ELK3: variants seen among roughly 807,000 people sequenced by gnomAD.
ELK3 encodes the protein ETS transcription factor ELK3.
In ELK3, 10 loss-of-function variants were observed where a neutral mutation model predicts 28.9. The observed-to-expected ratio is 0.35, with a 90% CI of 0.21 to 0.59. The LOEUF (loss-of-function observed/expected upper bound fraction) is 0.59, where lower values mean the gene tolerates loss of function less well. ELK3 is among the 20% of genes least tolerant of loss of function. The probability of loss-of-function intolerance (pLI) is 0.82; values close to 1 mark genes in which losing one functional copy is unlikely to be tolerated. For synonymous variants in ELK3, 272 were observed against 243.5 expected (o/e 1.12, Z -1.09); for missense variants, 463 against 517.3 (o/e 0.90, Z 1.02).
At chr12:96,196,868 T>G (rs889233769) in intron 1 of ELK3, among the ~76,000 whole-genome samples, 5 of 151,896 alleles carry the variant, frequency 3.3e-5, no homozygotes, top group Admixed American at 1.3e-4. Flanking sequence ...ACATGTTGCT[T>G]TTAAGGTGTT....
intron 2 of ELK3, among the ~76,000 whole-genome samples, chr12:96,244,994 G>C (rs1255638495): frequency 6.6e-6 from 1 of 152,182 alleles, no homozygotes; most frequent in Non-Finnish European, 1.5e-5. Flanking sequence ...CGCGGGTTAA[G>C]TTGCAGGTGG....
At chr12:96,231,725 C>T (rs1951743263) in intron 2 of ELK3, among the ~76,000 whole-genome samples, 1 of 152,318 alleles carries the variant, frequency 6.6e-6, no homozygotes, top group South Asian at 2.1e-4. Flanking sequence ...CTCAGGTGAT[C>T]TGCTCGCCTC....
At chr12:96,231,367 TAGAGA>T (rs1951740610) in intron 2 of ELK3, among the ~76,000 whole-genome samples, 1 of 152,170 alleles carries the variant, frequency 6.6e-6, no homozygotes, top group African/African-American at 2.4e-5. Context: ...CATCTTAGAG[TAGAGA>T]AGAGCGGGGC....
At chr12:96,232,430 C>T (rs1951748522) in intron 2 of ELK3, among the ~76,000 whole-genome samples, 1 of 151,762 alleles carries the variant, frequency 6.6e-6, no homozygotes, top group Non-Finnish European at 1.5e-5. Context: ...ATTAGCTGGG[C>T]ATGGTGGTGT....
At chr12:96,226,400 T>G (rs1379042079) in intron 2 of ELK3, among the ~76,000 whole-genome samples, 2 of 152,210 alleles carry the variant, frequency 1.3e-5, no homozygotes, top group Non-Finnish European at 2.9e-5. Flanking sequence ...CAGAAGAAAT[T>G]GCTCCATGTC....
rs1952043517 is a variant in ELK3 at position 96,267,414 on chromosome 12, T to G, written c.*234T>G. On this transcript the variant is annotated 3_prime_UTR_variant, in exon 5 of 5. Transcript: ENST00000228741. Reference sequence around the variant, plus strand: ...GTGAATTTTAATGTTTTTGTTTTTATATCCTTTTAGCTCTTAAGTGTTGAA... The same window carrying G: ...GTGAATTTTAATGTTTTTGTTTTTAGATCCTTTTAGCTCTTAAGTGTTGAA... The G allele has an allele frequency of 2.5e-6, 1 of 400,024 alleles. No homozygotes were observed. Among genetic ancestry groups the G allele is most frequent in the Non-Finnish European group, 4.6e-6 (1 of 218,790 alleles). The allele number at this position is 400,024 out of a possible 1,614,324, so 24.8% of individuals were successfully genotyped here.
chr12:96,214,069 A>G (rs1485565159), intron 1 of ELK3, among the ~76,000 whole-genome samples: 1 of 152,168 alleles, frequency 6.6e-6, no homozygotes, highest in Admixed American at 6.6e-5. Flanking sequence ...TGTGCTAGAT[A>G]TAACATGTAC....
At position 96,247,260 on chromosome 12, in the gene ELK3, G is replaced by C. The variant is rs779543008; in HGVS notation, c.528G>C (p.Val176=). The C allele has an allele frequency of 7.4e-6, 12 of 1,614,104 alleles. No homozygotes were observed. Among genetic ancestry groups the C allele is most frequent in the Non-Finnish European group, 9.3e-6 (11 of 1,180,048 alleles). Residue 176 remains valine, a synonymous_variant, in exon 3 of 5, where the codon GTG becomes GTC. Coordinates refer to ENST00000228741, the MANE Select transcript of ELK3 (RefSeq NM_005230.4). This position sits in a 1 kb window ranked among gnomAD's most constrained non-coding sequence, Gnocchi z 5.5. The stretch of plus-strand genomic sequence containing the variant: ...AGCCGCCCGAAGACAGCCCCCCCGT[G>C]GAAGAAGTCAGGACTGTGATCAGGT... ...LEEPPEDSPP[V]EEVRTVIRFV... is the part of the protein sequence containing the mutation.
intron 1 of ELK3, among the ~76,000 whole-genome samples, chr12:96,214,287 C>T (rs755504517): frequency 6.6e-6 from 1 of 151,898 alleles, no homozygotes; most frequent in African/African-American, 2.4e-5. Flanking sequence ...AAAAATGAGC[C>T]GGAGGCAGTG....
intron 1 of ELK3, among the ~76,000 whole-genome samples, chr12:96,207,147 A>G (rs1197871324): frequency 6.6e-6 from 1 of 152,228 alleles, no homozygotes; most frequent in Admixed American, 6.5e-5. Context: ...TTAAACAGAC[A>G]TTGAATGAGA....
chr12:96,208,670 T>C (rs138082598), intron 1 of ELK3, among the ~76,000 whole-genome samples: 3 of 152,234 alleles, frequency 2.0e-5, no homozygotes, highest in African/African-American at 7.2e-5. Flanking sequence ...TTAAATGACC[T>C]CCAAGGAGCC....
intron 1 of ELK3, among the ~76,000 whole-genome samples, chr12:96,220,374 T>C (rs945206638): frequency 7.0e-6 from 1 of 143,300 alleles, no homozygotes; most frequent in Non-Finnish European, 1.5e-5. Flanking sequence ...GTAGCATACT[T>C]TTTCGTGATT....
At chr12:96,235,680 A>G (rs1951777852) in intron 2 of ELK3, among the ~76,000 whole-genome samples, 1 of 152,106 alleles carries the variant, frequency 6.6e-6, no homozygotes, top group Non-Finnish European at 1.5e-5. Context: ...ACCTGTGGCT[A>G]ATGACACACA....
chr12:96,219,747 G>C (rs1951649088), intron 1 of ELK3, among the ~76,000 whole-genome samples: 1 of 152,206 alleles, frequency 6.6e-6, no homozygotes, highest in African/African-American at 2.4e-5. Flanking sequence ...AGGAGTGACT[G>C]ATCTTTGTAG....
rs1377459113 is a variant in ELK3, at chr12:96,267,680, C to T, written c.*500C>T. ...TCTCTAGTAGAATTTCATTATTTTT[C>T]ACCAGTGGGCAATATGAAAGCATAT... On this transcript the variant is annotated 3_prime_UTR_variant, in exon 5 of 5. Transcript: ENST00000228741. 6.6e-6 allele frequency: 1 copy of T among 152,670 alleles called. No individual in the cohort carries two copies. The highest frequency in any genetic ancestry group is 2.4e-5 in the African/African-American group (1 of 41,422). The allele number at this position is 152,670 out of a possible 1,614,324, so 9.5% of individuals were successfully genotyped here. A position where few individuals can be genotyped will look rare whatever the true frequency, so the allele number is the denominator to read the frequency against.
At chr12:96,222,375 GAGTTGAAGGA>G (rs974182856) in intron 1 of ELK3, among the ~76,000 whole-genome samples, 1,183 of 76,506 alleles carry the variant, frequency 0.015, 13 homozygotes, top group African/African-American at 0.055. Flanking sequence ...GTTCACACCA[GAGTTGAAGGA>G]AAAGGATAAC....
At chr12:96,252,679 A>G (rs1038310148) in intron 3 of ELK3, among the ~76,000 whole-genome samples, 1 of 152,182 alleles carries the variant, frequency 6.6e-6, no homozygotes, top group Non-Finnish European at 1.5e-5. Flanking sequence ...ATGCAACCAA[A>G]TTGCTGCAAT....
At chr12:96,231,748 C>T (rs567398396) in intron 2 of ELK3, among the ~76,000 whole-genome samples, 4 of 152,230 alleles carry the variant, frequency 2.6e-5, no homozygotes, top group South Asian at 2.1e-4. Context: ...CCTCCCAAAG[C>T]GCTGGGATTG....
intron 2 of ELK3, 39 bp downstream of exon 2, chr12:96,223,812 G>A (rs1175244877): frequency 6.3e-7 from 1 of 1,592,288 alleles, no homozygotes; most frequent in East Asian, 2.2e-5. Context: ...CTTGGGGAGG[G>A]TGGAATCCCC....
Sources: gnomAD v4.1 joint callset for allele counts (sites outside exome capture counted in the v4.1 genomes callset) on GRCh38, gnomAD v4.1.1 for gene constraint, Gnocchi (gnomAD v3.1) non-coding constraint, MANE v1.5 for transcripts, NCBI Gene and HGNC (gene_info 2026-07-23, HGNC 2026-07-21) for gene names.